The following SLC38A6 variants were observed in gnomAD, a reference collection of about 807,000 sequenced individuals.
SLC38A6 encodes N system amino acid transporter NAT-1.
A neutral mutation model predicts 65.0 loss-of-function variants in SLC38A6; 73 were observed. The ratio of observed to expected loss-of-function variants is 1.12; its 90% CI spans 0.93 to 1.37. SLC38A6 has a LOEUF of 1.37. Among genes scored for constraint, SLC38A6 ranks in the 40% most tolerant of loss-of-function variants. SLC38A6 has a pLI of 0.00. For missense variants in SLC38A6, 561 were observed against 531.1 expected (o/e 1.06, Z -0.55); for synonymous variants, 183 against 178.8 (o/e 1.02, Z -0.19).
chr14:61,028,712 G>A (rs779808202), intron 5 of SLC38A6, among the ~76,000 whole-genome samples: 6 of 151,938 alleles, frequency 3.9e-5, no homozygotes, highest in South Asian at 2.1e-4. Context: ...AAAAGAAATC[G>A]TTGTAAACTG....
chr14:60,995,668 T>C (rs2038235801), intron 3 of SLC38A6, among the ~76,000 whole-genome samples: 1 of 152,034 alleles, frequency 6.6e-6, no homozygotes, highest in African/African-American at 2.4e-5. Flanking sequence ...AAAAGATAAC[T>C]GTGAGAGGGT....
At chr14:61,070,029 CT>C (rs2043177436) in intron 15 of SLC38A6, among the ~76,000 whole-genome samples, 1 of 152,162 alleles carries the variant, frequency 6.6e-6, no homozygotes, top group Non-Finnish European at 1.5e-5. Flanking sequence ...AACATTATGA[CT>C]TTTTTTAGTT....
Position 61,050,516 on chromosome 14 carries a change from A to T in SLC38A6, c.930A>T (p.Lys310Asn). 6.6e-7 allele frequency: 1 copy of T among 1,514,628 alleles called. No homozygotes were observed. The highest frequency in any genetic ancestry group is 9.0e-7 in the Non-Finnish European group (1 of 1,107,056). The allele number at this position is 1,514,628 out of a possible 1,614,324, so 93.8% of individuals were successfully genotyped here. The part of the protein sequence containing the change: ...ALFGYLTFYD[K>N]VESELLKGYS... The stretch of plus-strand genomic sequence containing the variant: ...TCCTTATTATTTTATTTACAGACAA[A>T]GTGGAGTCAGAATTACTAAAAGGTT... Residue 310 changes from lysine (K) to asparagine (N), a missense_variant, in exon 13 of 16, where the codon AAA becomes AAT. By Grantham distance (94) the Lys-to-Asn change is moderately conservative (BLOSUM62 0). Coordinates refer to ENST00000267488, the MANE Select transcript of SLC38A6 (RefSeq NM_153811.3).
chr14:61,062,222 T>C (rs1411634280), intron 15 of SLC38A6, among the ~76,000 whole-genome samples: 2 of 152,216 alleles, frequency 1.3e-5, no homozygotes, highest in Non-Finnish European at 1.5e-5. Flanking sequence ...AGAATGTATT[T>C]AGTTTTATGA....
At chr14:61,020,639 C>T (rs147547051) in intron 5 of SLC38A6, among the ~76,000 whole-genome samples, 8 of 151,952 alleles carry the variant, frequency 5.3e-5, no homozygotes, top group Non-Finnish European at 1.0e-4. Flanking sequence ...GCATGCCATA[C>T]CAAATAATTT....
At chr14:61,006,877 T>A (rs569884028) in intron 3 of SLC38A6, among the ~76,000 whole-genome samples, 18 of 152,274 alleles carry the variant, frequency 1.2e-4, no homozygotes, top group African/African-American at 4.1e-4. Flanking sequence ...TGCACACATA[T>A]GTTTATTGCG....
chr14:61,053,179 C>T (rs2042592595), downstream of SLC38A6, among the ~76,000 whole-genome samples: 1 of 152,108 alleles, frequency 6.6e-6, no homozygotes. Flanking sequence ...CCTCCACCTC[C>T]ATCCATGTTC....
chr14:60,984,082 A>G (rs150150402), intron 2 of SLC38A6, among the ~76,000 whole-genome samples: 4,567 of 152,312 alleles, frequency 0.03, 111 homozygotes, highest in South Asian at 0.06. Flanking sequence ...CTAAAAATGA[A>G]TAGGAAATTA....
At chr14:61,072,981 T>C (rs1453398564) in intron 15 of SLC38A6, among the ~76,000 whole-genome samples, 1 of 152,194 alleles carries the variant, frequency 6.6e-6, no homozygotes, top group Non-Finnish European at 1.5e-5. Context: ...GTTGTACTAA[T>C]TTACATCCCC....
At chr14:61,006,806 A>C (rs929089861) in intron 3 of SLC38A6, among the ~76,000 whole-genome samples, 1 of 152,152 alleles carries the variant, frequency 6.6e-6, no homozygotes, top group Non-Finnish European at 1.5e-5. Flanking sequence ...CATTTGACCC[A>C]GCCATCCCAT....
chr14:61,003,278 T>C (rs2038833518), intron 3 of SLC38A6, among the ~76,000 whole-genome samples: 1 of 152,138 alleles, frequency 6.6e-6, no homozygotes, highest in Non-Finnish European at 1.5e-5. Flanking sequence ...TTAGTCTTTT[T>C]ATGTATTTTT....
At chr14:61,063,852 T>G (rs1402835044) in intron 15 of SLC38A6, among the ~76,000 whole-genome samples, 1 of 152,208 alleles carries the variant, frequency 6.6e-6, no homozygotes, top group Non-Finnish European at 1.5e-5. Flanking sequence ...ATGGAGTTAA[T>G]GCCTATTATA....
intron 12 of SLC38A6, among the ~76,000 whole-genome samples, chr14:61,048,516 T>C (rs1235084100): frequency 2.0e-5 from 3 of 152,170 alleles, no homozygotes; most frequent in Admixed American, 2.0e-4. Flanking sequence ...ACATATGTTA[T>C]GGCTCAGTTA....
intron 16 of SLC38A6, among the ~76,000 whole-genome samples, chr14:61,081,445 G>C (rs1332813557): frequency 6.6e-6 from 1 of 152,192 alleles, no homozygotes; most frequent in Non-Finnish European, 1.5e-5. Context: ...TCCCACAGCA[G>C]GGGCTGAGGT....
intron 3 of SLC38A6, among the ~76,000 whole-genome samples, chr14:61,002,798 A>T (rs1390882330): frequency 6.6e-6 from 1 of 152,218 alleles, no homozygotes; most frequent in Non-Finnish European, 1.5e-5. Context: ...GTTTCCTAAA[A>T]TAAACTGCTA....
Position 61,052,074 on chromosome 14 carries a change from T to G in SLC38A6, c.1229T>G (p.Phe410Cys). 1 of 1,588,862 alleles carries G rather than the reference T, an allele frequency of 6.3e-7. No individual in the cohort carries two copies. The highest frequency in any genetic ancestry group is 8.5e-7 in the Non-Finnish European group (1 of 1,174,044). ...ACATCAACATGTTTGATTTTTATAT[T>G]CCCAGGACTATTTTATCTTAAACTT... ...ASTSTCLIFI[F>C]PGLFYLKLSR... The change falls in exon 15 of 16, where the codon TTC becomes TGC. Residue 410 changes from phenylalanine to cysteine, a missense_variant. Physicochemically the swap from Phe to Cys is radical, Grantham distance 205 (BLOSUM62 -2). Transcript: ENST00000267488.
intron 6 of SLC38A6, among the ~76,000 whole-genome samples, chr14:61,031,385 T>C (rs556834671): frequency 6.6e-6 from 1 of 152,238 alleles, no homozygotes; most frequent in East Asian, 1.9e-4. Flanking sequence ...CAAAAATTAG[T>C]TTTTAGCTTT....
intron 5 of SLC38A6, among the ~76,000 whole-genome samples, chr14:61,022,303 C>G (rs1322594858): frequency 6.6e-6 from 1 of 151,856 alleles, no homozygotes; most frequent in East Asian, 1.9e-4. Flanking sequence ...TTAGGACTAC[C>G]CTTTAGAACC....
rs559283323 is a variant in SLC38A6, at chr14:61,079,999, C to T, written c.1408+1072C>T. Among the ~76,000 whole-genome samples, 11 of 152,316 alleles carry T rather than the reference C, an allele frequency of 7.2e-5. No homozygotes were observed. In the South Asian group the frequency reaches 1.2e-3, roughly 17 times the overall value. ...ACCTCTTTCTTATCCTCACTGTCTC[C>T]AGTCTCTGCTGTAGGCCTGCTAGTG... is the stretch of plus-strand genomic sequence containing the variant. On this transcript the variant is annotated intron_variant, in intron 16 of 16. Transcript: ENST00000354886.
Sources: gnomAD v4.1 joint callset for allele counts (sites outside exome capture counted in the v4.1 genomes callset) on GRCh38, gnomAD v4.1.1 for gene constraint, MANE v1.5 for transcripts, NCBI Gene and HGNC (gene_info 2026-07-23, HGNC 2026-07-21) for gene names.